The following AGBL3 variants were observed in gnomAD, a reference collection of about 807,000 sequenced individuals.
The protein encoded by AGBL3 is AGBL carboxypeptidase 3.
AGBL3 carries 68 observed loss-of-function variants against 94.5 expected under a neutral mutation model. That is an observed-to-expected ratio of 0.72 (90% CI 0.59 to 0.88). The LOEUF (loss-of-function observed/expected upper bound fraction) is 0.88. AGBL3 is among the 40% of genes least tolerant of loss of function. The pLI is 0.00. For missense variants in AGBL3, 934 were observed against 1,103.8 expected (o/e 0.85, Z 2.18); for synonymous variants, 354 against 370.7 (o/e 0.95, Z 0.52).
chr7:135,114,388 G>C (rs563214282), intron 15 of AGBL3, among the ~76,000 whole-genome samples: 1 of 152,162 alleles, frequency 6.6e-6, no homozygotes, highest in South Asian at 2.1e-4. Context: ...TTTGATAGCA[G>C]CCATCCTAAT....
chr7:135,079,858 A>G lies in AGBL3; in HGVS notation c.1981-345A>G, dbSNP rs190914374. 2.6e-3 allele frequency among the ~76,000 whole-genome samples: 393 copies of G among 151,908 alleles called. 4 individuals carry two copies. The highest frequency in any genetic ancestry group is 3.7e-3 in the Non-Finnish European group (249 of 67,956). ...ACCCATTTCACACTTTTATCTTCCCATGTTTGTTGTTCTAATTTAAATAAG... is the reference window on the plus strand; with the variant it reads ...ACCCATTTCACACTTTTATCTTCCCGTGTTTGTTGTTCTAATTTAAATAAG... On this transcript the variant is annotated intron_variant, in intron 13 of 16. Transcript: ENST00000436302.
rs1179308321 is a variant in AGBL3, at chr7:134,987,975, A to G, written c.42A>G (p.Thr14=). The change falls in exon 2 of 17, where the codon ACA becomes ACG. Residue 14 remains threonine, a synonymous_variant. Coordinates refer to ENST00000436302, the MANE Select transcript of AGBL3 (RefSeq NM_178563.4). ...AAAAGGAAGACTATTCAGACAGAAC[A>G]ATCAGTGATGAAGATGAATCGGTAT... ...DSEKEDYSDR[T]ISDEDESDED... 6.5e-7 allele frequency: 1 copy of G among 1,546,304 alleles called. No individual in the cohort carries two copies.
At chr7:135,083,670 C>G (rs143858716) in intron 15 of AGBL3, among the ~76,000 whole-genome samples, 2 of 152,066 alleles carry the variant, frequency 1.3e-5, no homozygotes, top group Non-Finnish European at 2.9e-5. Flanking sequence ...AGGTGTAATA[C>G]GGGATCATGA....
At chr7:135,128,947 A>G in intron 16 of AGBL3, 1 of 1,571,768 alleles carries the variant, frequency 6.4e-7, no homozygotes, top group Non-Finnish European at 8.8e-7. Flanking sequence ...TTCTGTAAGA[A>G]GCTGGGTAGT....
In AGBL3 at chr7:135,036,559, G is replaced by A. The variant is rs546734453; in HGVS notation, c.1338-859G>A. Among the ~76,000 whole-genome samples, 192 of 152,262 alleles carry A rather than the reference G, an allele frequency of 1.3e-3. 3 individuals carry two copies. The highest frequency in any genetic ancestry group is 4.6e-3 in the African/African-American group (190 of 41,556). On this transcript the variant is annotated intron_variant, in intron 7 of 16. Coordinates refer to ENST00000436302, the MANE Select transcript of AGBL3 (RefSeq NM_178563.4). ...TTATGTGCATAGCACTGTTCTAGAT[G>A]ATTTGAAGCATTCCCCATTCTTAAT...
intron 2 of AGBL3, 78 bp downstream of exon 2, chr7:134,988,074 C>G: frequency 9.4e-7 from 1 of 1,064,348 alleles, no homozygotes; most frequent in Non-Finnish European, 1.3e-6. Flanking sequence ...ATTATAAAAT[C>G]AATTGGATAT....
intron 8 of AGBL3, among the ~76,000 whole-genome samples, chr7:135,039,654 G>C (rs936807713): frequency 1.3e-5 from 2 of 151,996 alleles, no homozygotes; most frequent in Non-Finnish European, 2.9e-5. Context: ...AGGACTGTTT[G>C]AGCCCAGGAA....
intron 13 of AGBL3, among the ~76,000 whole-genome samples, chr7:135,079,714 C>T (rs1332984459): frequency 6.6e-6 from 1 of 151,730 alleles, no homozygotes; most frequent in African/African-American, 2.4e-5. Flanking sequence ...GTGATCTGCC[C>T]GCCTTGGCCT....
At position 134,993,168 on chromosome 7, in the gene AGBL3, G is replaced by A. The variant is rs139853190; in HGVS notation, c.125-325G>A. ...TATAGTTCATCACTGTATTTAACTC[G>A]TTAGACAAATAGTGTGACTACATTT... is the stretch of plus-strand genomic sequence containing the variant. On this transcript the variant is annotated intron_variant, in intron 3 of 16. Transcript: ENST00000436302. 2.4e-3 allele frequency among the ~76,000 whole-genome samples: 359 copies of A among 152,302 alleles called. 1 individual carries two copies. Among genetic ancestry groups the A allele is most frequent in the African/African-American group, 7.9e-3 (327 of 41,564 alleles).
chr7:134,994,112 A>G (rs1810661430), intron 4 of AGBL3, among the ~76,000 whole-genome samples: 1 of 152,162 alleles, frequency 6.6e-6, no homozygotes, highest in Admixed American at 6.5e-5. Context: ...GCACAAACTC[A>G]TACACAGAGT....
chr7:135,013,482 T>C (rs1006532582), intron 4 of AGBL3, among the ~76,000 whole-genome samples: 5 of 152,160 alleles, frequency 3.3e-5, no homozygotes, highest in Non-Finnish European at 7.3e-5. Context: ...AGTATACAGA[T>C]GTTAAAAAAT....
At chr7:135,121,503 T>G (rs535223701) in intron 16 of AGBL3, among the ~76,000 whole-genome samples, 1 of 150,346 alleles carries the variant, frequency 6.7e-6, no homozygotes, top group African/African-American at 2.5e-5. Context: ...AAAGTGTATA[T>G]CTGACCACAA....
At position 135,015,967 on chromosome 7, in the gene AGBL3, C is replaced by T. The variant is rs188725696; in HGVS notation, c.311-1085C>T. Among the ~76,000 whole-genome samples the T allele has an allele frequency of 2.5e-3, 379 of 150,618 alleles. 9 individuals are homozygous for T. In the East Asian group the frequency reaches 0.034, roughly 14 times the overall value. The stretch of plus-strand genomic sequence containing the variant: ...AATGGCGTGAACCCGGGAGGCGGAG[C>T]TTGCAGTGAGCTGAGATCACGCCAC... On this transcript the variant is annotated intron_variant, in intron 4 of 16. Transcript: ENST00000436302.
intron 13 of AGBL3, among the ~76,000 whole-genome samples, chr7:135,079,676 C>T (rs780050424): frequency 6.6e-5 from 10 of 151,352 alleles, no homozygotes; most frequent in Non-Finnish European, 1.5e-4. Flanking sequence ...CCATGTTGGC[C>T]AGGCTTGTCT....
chr7:135,034,942 C>G lies in AGBL3; in HGVS notation c.1337+14C>G. On this transcript the variant is annotated intron_variant, in intron 7 of 16. Transcript: ENST00000436302. Reference sequence around the variant, plus strand: ...CATGGTTCATAGGTAAAATAAGCCTCAAATTACCTCTGTGCTTATTTAGTA... The same window carrying G: ...CATGGTTCATAGGTAAAATAAGCCTGAAATTACCTCTGTGCTTATTTAGTA... 2 of 1,469,286 alleles carry G rather than the reference C, an allele frequency of 1.4e-6. No individual in the cohort carries two copies. Among genetic ancestry groups the G allele is most frequent in the Non-Finnish European group, 1.8e-6 (2 of 1,112,456 alleles). 91.0% of individuals were successfully genotyped at this position (1,469,286 alleles called of 1,614,324 possible). A position where few individuals can be genotyped will look rare whatever the true frequency, so the allele number is the denominator to read the frequency against.
chr7:135,065,950 C>T (rs1174638349), intron 12 of AGBL3, among the ~76,000 whole-genome samples: 1 of 151,978 alleles, frequency 6.6e-6, no homozygotes, highest in African/African-American at 2.4e-5. Flanking sequence ...TGAAATTGGA[C>T]CTTTATACTA....
chr7:135,060,982 C>T (rs1461312421), intron 12 of AGBL3, among the ~76,000 whole-genome samples: 1 of 151,754 alleles, frequency 6.6e-6, no homozygotes, highest in African/African-American at 2.4e-5. Context: ...ATACTGTTTT[C>T]CATAATGGCT....
chr7:135,115,523 C>T lies in AGBL3; in HGVS notation c.2254C>T (p.Leu752Phe). 1 of 1,551,458 alleles carries T rather than the reference C, an allele frequency of 6.4e-7. No individual in the cohort carries two copies. The highest frequency in any genetic ancestry group is 8.7e-7 in the Non-Finnish European group (1 of 1,146,834). Residue 752 changes from leucine (L) to phenylalanine (F), a missense_variant, in exon 16 of 17, where the codon CTC becomes TTC. By Grantham distance (22) the Leu-to-Phe change is conservative. Transcript: ENST00000436302. Reference sequence around the variant, plus strand: ...AACTCAAGAAATATTGCAGTATTTGCTCCCCATCGTGCATAGCACTAAAAA... The same window carrying T: ...AACTCAAGAAATATTGCAGTATTTGTTCCCCATCGTGCATAGCACTAAAAA... ...VQTQEILQYL[L>F]PIVHSTKNMQ...
chr7:135,025,450 G>A (rs958746918), intron 5 of AGBL3, among the ~76,000 whole-genome samples: 1 of 151,590 alleles, frequency 6.6e-6, no homozygotes, highest in African/African-American at 2.4e-5. Flanking sequence ...AGCCTTACAA[G>A]ATGATATGGA....
Sources: gnomAD v4.1 joint callset for allele counts (sites outside exome capture counted in the v4.1 genomes callset) on GRCh38, gnomAD v4.1.1 for gene constraint, MANE v1.5 for transcripts, NCBI Gene and HGNC (gene_info 2026-07-23, HGNC 2026-07-21) for gene names.